Variants in RELN observed in about 807,000 individuals in gnomAD.
RELN encodes the protein reelin.
In RELN, 108 loss-of-function variants were observed where a neutral mutation model predicts 427.6. The ratio of observed to expected loss-of-function variants is 0.25; its 90% CI spans 0.22 to 0.30. RELN has a LOEUF of 0.30. RELN is among the 10% of genes least tolerant of loss of function. The probability of loss-of-function intolerance (pLI) is 1.00; values close to 1 mark genes in which losing one functional copy is unlikely to be tolerated. For synonymous variants in RELN, 1,524 were observed against 1,513.4 expected (o/e 1.01, Z -0.16); for missense variants, 3,715 against 4,302.8 (o/e 0.86, Z 3.82).
chr7:103,490,696 T>A lies in RELN; in HGVS notation c.9577A>T (p.Ile3193Phe), dbSNP rs765872977. 3 of 1,614,048 alleles carry A rather than the reference T, an allele frequency of 1.9e-6. No homozygotes were observed. In the African/African-American group the frequency reaches 4.0e-5, roughly 22 times the overall value. Reference protein sequence around the residue: ...VNSSSWKRITIQLPDHVSSSA... With the variant: ...VNSSSWKRITFQLPDHVSSSA... ...GAGGAGACATGGTCAGGCAGCTGGA[T>A]GGTGATTCTTTTCCAGCTTGAGCTG... Residue 3193 changes from isoleucine to phenylalanine, a missense_variant, in exon 59 of 65, where the codon ATC becomes TTC. Coordinates refer to ENST00000428762, the MANE Select transcript of RELN (RefSeq NM_005045.4).
At chr7:103,488,451 C>A (rs1828523673) in intron 60 of RELN, among the ~76,000 whole-genome samples, 1 of 152,088 alleles carries the variant, frequency 6.6e-6, no homozygotes, top group Admixed American at 6.5e-5. Flanking sequence ...AGTGACAGAC[C>A]CAGCCGGTCT....
At chr7:103,854,932 TA>T (rs1179953934) in intron 2 of RELN, among the ~76,000 whole-genome samples, 1 of 152,204 alleles carries the variant, frequency 6.6e-6, no homozygotes, top group African/African-American at 2.4e-5. Flanking sequence ...GTAAGTTTCA[TA>T]AAAGAAGTAT....
chr7:103,736,558 T>C (rs1790497468), intron 6 of RELN, among the ~76,000 whole-genome samples: 2 of 152,230 alleles, frequency 1.3e-5, no homozygotes, highest in Non-Finnish European at 2.9e-5. Flanking sequence ...CTTATTTCTC[T>C]AGGGAGTTAA....
chr7:103,789,656 T>C, intron 3 of RELN, among the ~76,000 whole-genome samples: 1 of 152,180 alleles, frequency 6.6e-6, no homozygotes, highest in Non-Finnish European at 1.5e-5. Flanking sequence ...CCAGTTAGAA[T>C]GGCAATCATT....
intron 12 of RELN, among the ~76,000 whole-genome samples, chr7:103,656,886 A>C (rs1833034313): frequency 6.6e-6 from 1 of 152,092 alleles, no homozygotes; most frequent in African/African-American, 2.4e-5. Flanking sequence ...ATTTTCAGGT[A>C]TATAGATCCA....
In RELN at chr7:103,614,541, G is replaced by A. The variant is rs114473209; in HGVS notation, c.2703-2738C>T. 3.3e-3 allele frequency among the ~76,000 whole-genome samples: 500 copies of A among 152,266 alleles called. 7 individuals carry two copies. Among genetic ancestry groups the A allele is most frequent in the African/African-American group, 0.012 (478 of 41,552 alleles). On this transcript the variant is annotated intron_variant, in intron 20 of 64. Transcript: ENST00000428762. Reference sequence around the variant, plus strand: ...CAGCAGCCATCTTGTGACAATAATGGAACATTATTAGATAAAGACCTCTCT... The same window carrying A: ...CAGCAGCCATCTTGTGACAATAATGAAACATTATTAGATAAAGACCTCTCT...
intron 1 of RELN, among the ~76,000 whole-genome samples, chr7:103,960,728 T>C (rs1796535281): frequency 1.3e-5 from 2 of 152,232 alleles, no homozygotes. Flanking sequence ...TGCCTGCCTG[T>C]GTATGTACAT....
At chr7:103,878,551 G>A (rs1040954891) in intron 2 of RELN, among the ~76,000 whole-genome samples, 4 of 152,060 alleles carry the variant, frequency 2.6e-5, no homozygotes, top group African/African-American at 9.7e-5. Context: ...CACCTGGGGC[G>A]CTGACTAGAG....
intron 3 of RELN, among the ~76,000 whole-genome samples, chr7:103,782,310 C>T (rs140781539): frequency 2.0e-5 from 3 of 152,174 alleles, no homozygotes; most frequent in East Asian, 3.9e-4. Flanking sequence ...CATTCTGCTG[C>T]GGCACAGGGC....
In RELN at chr7:103,630,184, A is replaced by G. The variant is rs1428333102; in HGVS notation, c.2466-8T>C. ...AGTTCTACGGAGATTATTCTAGAGA[A>G]AAAAAAAAAGTCAAAATTTAGATTA... On this transcript the variant is annotated splice_polypyrimidine_tract_variant and splice_region_variant and intron_variant, in intron 19 of 64. Coordinates refer to ENST00000428762, the MANE Select transcript of RELN (RefSeq NM_005045.4). The G allele has an allele frequency of 1.9e-6, 3 of 1,562,876 alleles. No individual in the cohort carries two copies. Among genetic ancestry groups the G allele is most frequent in the East Asian group, 2.3e-5 (1 of 44,128 alleles).
chr7:103,540,351 C>G lies in RELN; in HGVS notation c.6776G>C (p.Ser2259Thr). 1 of 1,614,140 alleles carries G rather than the reference C, an allele frequency of 6.2e-7. No individual in the cohort carries two copies. Among genetic ancestry groups the G allele is most frequent in the Non-Finnish European group, 8.5e-7 (1 of 1,180,044 alleles). Residue 2259 changes from serine (S) to threonine (T), a missense_variant, in exon 44 of 65, where the codon AGT (serine) becomes ACT (threonine). Ser to Thr is a moderately conservative substitution (Grantham distance 58, BLOSUM62 1). This residue lies in a region of RELN where 1,310 missense variants were observed against 1,643.0 expected (regional missense o/e 0.80). Coordinates refer to ENST00000428762, the MANE Select transcript of RELN (RefSeq NM_005045.4). ...QYSLNGGLSWSLLQEFLFSNS... is the reference protein window; with the variant it reads ...QYSLNGGLSWTLLQEFLFSNS... Reference sequence around the variant, plus strand: ...GCTGAAAAGGAACTCCTGAAGAAGACTCCACGAGAGGCCACCGTTGAGAGA... The same window carrying G: ...GCTGAAAAGGAACTCCTGAAGAAGAGTCCACGAGAGGCCACCGTTGAGAGA...
chr7:103,499,036 C>T (rs1828934860), intron 53 of RELN, among the ~76,000 whole-genome samples: 1 of 152,180 alleles, frequency 6.6e-6, no homozygotes, highest in South Asian at 2.1e-4. Flanking sequence ...CTGCTTCAGG[C>T]AGCCAGGATC....
rs1456470731 is a variant in RELN at position 103,569,589 on chromosome 7, T to C, written c.4588+2595A>G. Among the ~76,000 whole-genome samples the C allele has an allele frequency of 1.3e-5, 2 of 152,212 alleles. No homozygotes were observed. Among genetic ancestry groups the C allele is most frequent in the East Asian group, 1.9e-4 (1 of 5,194 alleles). ...TAAGAAACATGGCTCAGGAGGTACA[T>C]ACTTCATTTGGTTTCTGTCTTCCTC... On this transcript the variant is annotated intron_variant, in intron 31 of 64. Coordinates refer to ENST00000428762, the MANE Select transcript of RELN (RefSeq NM_005045.4). The surrounding 1 kb of genome is among the most constrained non-coding windows in gnomAD (Gnocchi z 4.0).
intron 2 of RELN, among the ~76,000 whole-genome samples, chr7:103,852,219 GCTAAA>G (rs750421565): frequency 1.3e-5 from 2 of 152,084 alleles, no homozygotes; most frequent in Non-Finnish European, 2.9e-5. Context: ...TCACCCAATT[GCTAAA>G]CTAATGAATA....
chr7:103,836,960 T>C (rs970951202), intron 2 of RELN, among the ~76,000 whole-genome samples: 2 of 152,242 alleles, frequency 1.3e-5, no homozygotes, highest in Non-Finnish European at 2.9e-5. Flanking sequence ...ATTTTTGTTA[T>C]ATTTTGGCCT....
chr7:103,803,875 T>A (rs1458360379), intron 3 of RELN, among the ~76,000 whole-genome samples: 1 of 152,044 alleles, frequency 6.6e-6, no homozygotes, highest in African/African-American at 2.4e-5. Flanking sequence ...CTTTAGAAAC[T>A]GGGGTTCACT....
At position 103,734,381 on chromosome 7, in the gene RELN, T is replaced by C. The variant is rs77434266; in HGVS notation, c.657-6174A>G. ...TGTTTCTGTAATCTAAGAATGCTTT[T>C]CCCCTTTTATATTTCCCAATATGAA... On this transcript the variant is annotated intron_variant, in intron 6 of 64. Coordinates refer to ENST00000428762, the MANE Select transcript of RELN (RefSeq NM_005045.4). Among the ~76,000 whole-genome samples, 1,479 of 152,278 alleles carry C rather than the reference T, an allele frequency of 9.7e-3. 10 individuals carry two copies. Among genetic ancestry groups the C allele is most frequent in the Non-Finnish European group, 0.015 (1,044 of 68,026 alleles).
intron 1 of RELN, among the ~76,000 whole-genome samples, chr7:103,920,048 A>G (rs1005030865): frequency 2.6e-5 from 4 of 152,166 alleles, no homozygotes; most frequent in African/African-American, 9.7e-5. Context: ...TCATAGGATT[A>G]TCCATGTGTG....
chr7:103,562,055 T>G, intron 34 of RELN, 102 bp from the exon 35 acceptor site: 1 of 1,336,500 alleles, frequency 7.5e-7, no homozygotes. Flanking sequence ...TAAAGTGCCT[T>G]CCTCCAGGGT....
Sources: gnomAD v4.1 joint callset for allele counts (sites outside exome capture counted in the v4.1 genomes callset) on GRCh38, gnomAD v4.1.1 for gene constraint, gnomAD v4.1.1 regional missense constraint, Gnocchi (gnomAD v3.1) non-coding constraint, MANE v1.5 for transcripts, NCBI Gene and HGNC (gene_info 2026-07-23, HGNC 2026-07-21) for gene names.